FRMD6: variants seen among roughly 807,000 people sequenced by gnomAD.
FRMD6 encodes FERM domain containing 6.
A neutral mutation model predicts 73.2 loss-of-function variants in FRMD6; 37 were observed. The observed-to-expected ratio is 0.51, with a 90% CI of 0.39 to 0.66. The LOEUF (loss-of-function observed/expected upper bound fraction) is 0.66, where lower values mean the gene tolerates loss of function less well. Among genes scored for constraint, FRMD6 ranks in the 30% least tolerant of loss-of-function variants. The pLI, the probability that FRMD6 is intolerant of heterozygous loss-of-function variation, is 0.00. For synonymous variants in FRMD6, 273 were observed against 282.2 expected, an observed-to-expected ratio of 0.97 and a Z score of 0.33; for missense variants, 714 against 780.5, an observed-to-expected ratio of 0.91 and a Z score of 1.02.
the FRMD6 span, among the ~76,000 whole-genome samples, chr14:51,415,058 T>C: frequency 6.6e-6 from 1 of 152,126 alleles, no homozygotes; most frequent in Non-Finnish European, 1.5e-5. Context: ...TGGGCTGAGA[T>C]GATGGGGTTT....
the FRMD6 span, among the ~76,000 whole-genome samples, chr14:51,410,168 T>A: frequency 6.6e-6 from 1 of 152,196 alleles, no homozygotes; most frequent in East Asian, 1.9e-4. Context: ...GAAAAAGTCT[T>A]CCCAAAATTG....
intron 1 of FRMD6, among the ~76,000 whole-genome samples, chr14:51,520,481 G>A (rs927828806): frequency 1.3e-5 from 2 of 152,146 alleles, no homozygotes; most frequent in Non-Finnish European, 2.9e-5. Flanking sequence ...CACAAAATTT[G>A]TACACAAATG....
chr14:51,690,723 G>A (rs1450506608), intron 2 of FRMD6, among the ~76,000 whole-genome samples: 2 of 152,126 alleles, frequency 1.3e-5, no homozygotes, highest in Non-Finnish European at 2.9e-5. Context: ...TATCTTAAGA[G>A]TAGCCAAAAT....
chr14:51,569,877 G>A (rs141867466), intron 1 of FRMD6, among the ~76,000 whole-genome samples: 158 of 151,108 alleles, frequency 1.0e-3, no homozygotes, highest in African/African-American at 2.9e-3. Flanking sequence ...GTGCAGTGGC[G>A]CGATCTCGGC....
At chr14:51,695,836 A>G (rs914673241) in intron 2 of FRMD6, among the ~76,000 whole-genome samples, 2 of 152,166 alleles carry the variant, frequency 1.3e-5, no homozygotes, top group African/African-American at 2.4e-5. Flanking sequence ...GAATGTGGAA[A>G]AGAGCAGTAA....
the FRMD6 span, among the ~76,000 whole-genome samples, chr14:51,412,055 A>G: frequency 6.6e-6 from 1 of 151,492 alleles, no homozygotes; most frequent in East Asian, 2.0e-4. Flanking sequence ...TACTGTCTCT[A>G]TCTTATTTCC....
chr14:51,727,990 G>A lies in FRMD6; in HGVS notation c.1830G>A (p.Leu610=). Residue 610 remains leucine, a synonymous_variant, in exon 14 of 14, where the codon CTG becomes CTA. Transcript: ENST00000344768. ...AAAGAACCAGCAAATACTTTTCTCT[G>A]GATCTCACTCATGATGAAGTTCCAG... ...PVKRTSKYFS[L]DLTHDEVPEF... 1 of 1,612,524 alleles carries A rather than the reference G, an allele frequency of 6.2e-7. No individual in the cohort carries two copies. Among genetic ancestry groups the A allele is most frequent in the Non-Finnish European group, 8.5e-7 (1 of 1,178,618 alleles).
At chr14:51,561,222 CATGATTTCTTTATATCA>C (rs1323636600) in intron 1 of FRMD6, among the ~76,000 whole-genome samples, 7 of 152,226 alleles carry the variant, frequency 4.6e-5, no homozygotes, top group Non-Finnish European at 8.8e-5. Context: ...TTCAGCCTCA[CATGATTTCTTTATATCA>C]ATGACAACAT....
At chr14:51,398,325 C>A in the FRMD6 span, among the ~76,000 whole-genome samples, 1 of 152,058 alleles carries the variant, frequency 6.6e-6, no homozygotes, top group Non-Finnish European at 1.5e-5. Flanking sequence ...ATAGAGGAGG[C>A]TGTATTCATT....
At chr14:51,583,013 A>T (rs1376085483) in intron 2 of FRMD6, among the ~76,000 whole-genome samples, 4 of 152,176 alleles carry the variant, frequency 2.6e-5, no homozygotes, top group Admixed American at 2.0e-4. Flanking sequence ...AACTGCCTCA[A>T]CATGGTGGCA....
At chr14:51,528,268 C>G (rs1885374955) in intron 1 of FRMD6, among the ~76,000 whole-genome samples, 1 of 152,168 alleles carries the variant, frequency 6.6e-6, no homozygotes, top group Non-Finnish European at 1.5e-5. Context: ...GGTAGAGCAA[C>G]TTGTGTTCTC....
intron 2 of FRMD6, among the ~76,000 whole-genome samples, chr14:51,610,341 A>T (rs1379902799): frequency 4.0e-5 from 6 of 148,204 alleles, no homozygotes; most frequent in East Asian, 1.9e-4. Context: ...TTTTTTTTAA[A>T]AAAAAAAAAA....
At chr14:51,601,020 G>A (rs1024410553) in intron 2 of FRMD6, among the ~76,000 whole-genome samples, 2 of 152,216 alleles carry the variant, frequency 1.3e-5, no homozygotes, top group African/African-American at 2.4e-5. Context: ...TTAGAACATA[G>A]AGGTAAGATG....
intron 2 of FRMD6, among the ~76,000 whole-genome samples, chr14:51,590,009 A>C (rs938478720): frequency 2.0e-5 from 3 of 151,126 alleles, no homozygotes; most frequent in African/African-American, 7.3e-5. Flanking sequence ...CGGAGATTGC[A>C]GCAAGCCAAG....
chr14:51,396,792 G>A, the FRMD6 span, among the ~76,000 whole-genome samples: 2 of 152,188 alleles, frequency 1.3e-5, no homozygotes, highest in African/African-American at 4.8e-5. Flanking sequence ...TGACAAGCTG[G>A]ACATGAATAT....
At chr14:51,653,897 ATATCTAATATCAAAT>A (rs1390692222) in intron 1 of FRMD6, among the ~76,000 whole-genome samples, 4 of 152,194 alleles carry the variant, frequency 2.6e-5, no homozygotes, top group African/African-American at 9.7e-5. Flanking sequence ...CCCCCAGGGG[ATATCTAATATCAAAT>A]TATCTGCAGG....
the FRMD6 span, among the ~76,000 whole-genome samples, chr14:51,425,949 A>C: frequency 5.9e-5 from 9 of 152,260 alleles, no homozygotes; most frequent in South Asian, 1.7e-3. Context: ...GCAAAAGCAC[A>C]GTGATTATGT....
At chr14:51,624,709 G>A (rs1437349097) in intron 2 of FRMD6, among the ~76,000 whole-genome samples, 1 of 152,104 alleles carries the variant, frequency 6.6e-6, no homozygotes, top group Non-Finnish European at 1.5e-5. Context: ...GGCCCCTGAA[G>A]CTCAGAGGGA....
intron 1 of FRMD6, among the ~76,000 whole-genome samples, chr14:51,563,496 C>A (rs991339894): frequency 1.3e-5 from 2 of 151,984 alleles, no homozygotes; most frequent in African/African-American, 4.8e-5. Context: ...ATGGCAAAAC[C>A]CCATCTCTAC....
Sources: allele counts gnomAD v4.1 joint callset (sites outside exome capture counted in the v4.1 genomes callset), GRCh38; gene constraint gnomAD v4.1.1; transcripts MANE v1.5; gene names NCBI Gene and HGNC (gene_info 2026-07-23, HGNC 2026-07-21).